TMEM196: variants seen among roughly 807,000 people sequenced by gnomAD.
The protein encoded by TMEM196 is transmembrane protein 196.
TMEM196 carries 17 observed loss-of-function variants against 20.0 expected under a neutral mutation model. The ratio of observed to expected loss-of-function variants is 0.85; its 90% CI spans 0.58 to 1.27. The LOEUF (loss-of-function observed/expected upper bound fraction) is 1.27. TMEM196 is among the 50% of genes most tolerant of loss of function. The pLI is 0.00. For missense variants in TMEM196, 267 were observed against 223.0 expected, an observed-to-expected ratio of 1.20 and a Z score of -1.26; for synonymous variants, 113 against 88.9, an observed-to-expected ratio of 1.27 and a Z score of -1.52.
intron 1 of TMEM196, among the ~76,000 whole-genome samples, chr7:19,760,053 A>G (rs1785373915): frequency 6.6e-6 from 1 of 152,120 alleles, no homozygotes; most frequent in South Asian, 2.1e-4. Context: ...GCACGTATAT[A>G]AAGTTCTAAT....
intron 1 of TMEM196, among the ~76,000 whole-genome samples, chr7:19,739,803 A>G (rs1784525485): frequency 6.6e-6 from 1 of 152,200 alleles, no homozygotes; most frequent in Admixed American, 6.5e-5. Flanking sequence ...ATGTTTCTTC[A>G]CTTATCAGAT....
intron 1 of TMEM196, among the ~76,000 whole-genome samples, chr7:19,733,416 A>T (rs1325477919): frequency 6.6e-6 from 1 of 152,182 alleles, no homozygotes; most frequent in Non-Finnish European, 1.5e-5. Flanking sequence ...AAAGAGGGAA[A>T]TCTTCTCCAA....
intron 1 of TMEM196, among the ~76,000 whole-genome samples, chr7:19,768,509 A>G (rs990535558): frequency 6.6e-6 from 1 of 152,128 alleles, no homozygotes; most frequent in African/African-American, 2.4e-5. Flanking sequence ...TGACTTTCAC[A>G]CAGCAACTTG....
At chr7:19,759,041 T>C (rs1211479149) in intron 1 of TMEM196, among the ~76,000 whole-genome samples, 1 of 152,208 alleles carries the variant, frequency 6.6e-6, no homozygotes. Context: ...CACATTGGCA[T>C]GTAAACATGT....
At chr7:19,746,433 T>C (rs1048029487) in intron 1 of TMEM196, among the ~76,000 whole-genome samples, 1 of 152,222 alleles carries the variant, frequency 6.6e-6, no homozygotes, top group Non-Finnish European at 1.5e-5. Context: ...TTCAAAGAAA[T>C]GTAGATGCTC....
chr7:19,771,561 G>C (rs1044811374), intron 1 of TMEM196, among the ~76,000 whole-genome samples: 1 of 152,174 alleles, frequency 6.6e-6, no homozygotes, highest in Non-Finnish European at 1.5e-5. Context: ...ACATGCTACA[G>C]ATTATCAGTG....
At chr7:19,728,022 G>T (rs1175292532) in intron 2 of TMEM196, among the ~76,000 whole-genome samples, 1 of 151,938 alleles carries the variant, frequency 6.6e-6, no homozygotes, top group African/African-American at 2.4e-5. Flanking sequence ...CTAATAGTAG[G>T]TACAGCTACC....
intron 1 of TMEM196, among the ~76,000 whole-genome samples, chr7:19,754,761 A>G (rs1377144766): frequency 6.6e-6 from 1 of 152,174 alleles, no homozygotes; most frequent in Non-Finnish European, 1.5e-5. Context: ...CAAGTCAATT[A>G]ATTCTCTGGG....
intron 1 of TMEM196, among the ~76,000 whole-genome samples, chr7:19,749,917 C>T (rs1486133759): frequency 6.6e-6 from 1 of 152,194 alleles, no homozygotes; most frequent in Non-Finnish European, 1.5e-5. Context: ...TCATTCCTTG[C>T]TTGACAAGTT....
intron 1 of TMEM196, among the ~76,000 whole-genome samples, chr7:19,767,092 C>G (rs933018698): frequency 6.6e-6 from 1 of 151,920 alleles, no homozygotes; most frequent in Non-Finnish European, 1.5e-5. Flanking sequence ...TGAATAAGAA[C>G]AAAAATCTCA....
At chr7:19,760,096 A>G (rs1167824931) in intron 1 of TMEM196, among the ~76,000 whole-genome samples, 1 of 151,930 alleles carries the variant, frequency 6.6e-6, no homozygotes, top group Non-Finnish European at 1.5e-5. Context: ...ATCTCACTCA[A>G]TGCCTTCTAC....
intron 1 of TMEM196, among the ~76,000 whole-genome samples, chr7:19,729,918 C>G (rs201296117): frequency 1.3e-5 from 2 of 152,220 alleles, no homozygotes; most frequent in East Asian, 3.9e-4. Context: ...CAATGACAAC[C>G]TCCTTATTCT....
At chr7:19,727,852 T>G (rs755785186) in intron 2 of TMEM196, among the ~76,000 whole-genome samples, 2 of 152,290 alleles carry the variant, frequency 1.3e-5, no homozygotes, top group Admixed American at 6.5e-5. Flanking sequence ...TGTTTAAATC[T>G]GTAACCATAT....
intron 1 of TMEM196, among the ~76,000 whole-genome samples, chr7:19,768,871 T>G (rs1375128961): frequency 1.3e-5 from 2 of 152,166 alleles, no homozygotes; most frequent in Non-Finnish European, 2.9e-5. Context: ...AGCATCCTTC[T>G]CATACATTTT....
chr7:19,753,881 C>G (rs1019373821), intron 1 of TMEM196, among the ~76,000 whole-genome samples: 2 of 152,198 alleles, frequency 1.3e-5, no homozygotes, highest in Admixed American at 1.3e-4. Flanking sequence ...TGGAATATCT[C>G]TCCTCCTCTC....
At position 19,729,786 on chromosome 7, in the gene TMEM196, A is replaced by G. The variant is rs113799965; in HGVS notation, c.148-348T>C. 9.7e-3 allele frequency among the ~76,000 whole-genome samples: 1,475 copies of G among 152,302 alleles called. 22 individuals are homozygous for G. The highest frequency in any genetic ancestry group is 0.033 in the African/African-American group (1,369 of 41,560). ...AAAGTGGTGTGATACATTCATTCAC[A>G]CTTAACAACTAGAAATCAGTAAGTT... is the stretch of plus-strand genomic sequence containing the variant. On this transcript the variant is annotated intron_variant, in intron 1 of 4. Transcript: ENST00000405844.
At chr7:19,740,100 G>A (rs1311480632) in intron 1 of TMEM196, among the ~76,000 whole-genome samples, 1 of 152,098 alleles carries the variant, frequency 6.6e-6, no homozygotes, top group East Asian at 1.9e-4. Context: ...AATAACACAA[G>A]AAGAGCAGTC....
rs960059900 is a variant in TMEM196 at position 19,721,184 on chromosome 7, A to AT, written c.*943dup. The AT allele has an allele frequency of 1.3e-5, 2 of 152,014 alleles. No individual in the cohort carries two copies. The highest frequency in any genetic ancestry group is 2.9e-5 in the Non-Finnish European group (2 of 67,798). The allele number at this position is 152,014 out of a possible 1,614,324, so 9.4% of individuals were successfully genotyped here. ...AATTTTAGTAGAAATTAAACATGTGATTTTGTGGGCATAGAAGGGCCTTGA... is the reference window on the plus strand; with the variant it reads ...AATTTTAGTAGAAATTAAACATGTGATTTTTGTGGGCATAGAAGGGCCTTGA... On this transcript the variant is annotated 3_prime_UTR_variant, in exon 5 of 5. Transcript: ENST00000405844.
chr7:19,734,829 G>T (rs1280050704), intron 1 of TMEM196, among the ~76,000 whole-genome samples: 3 of 152,080 alleles, frequency 2.0e-5, no homozygotes, highest in Non-Finnish European at 2.9e-5. Context: ...GAAGCAACAG[G>T]AAACTAATAC....
Sources: gnomAD v4.1 joint callset for allele counts (sites outside exome capture counted in the v4.1 genomes callset) on GRCh38, gnomAD v4.1.1 for gene constraint, MANE v1.5 for transcripts, NCBI Gene and HGNC (gene_info 2026-07-23, HGNC 2026-07-21) for gene names.